The following NDP variants were observed in gnomAD, a reference collection of about 807,000 sequenced individuals.
The protein encoded by NDP is norrin.
Under a neutral mutation model 8.4 loss-of-function variants are expected in NDP, and 2 were observed. That is an observed-to-expected ratio of 0.24 (90% CI 0.10 to 0.75). The LOEUF (loss-of-function observed/expected upper bound fraction) is 0.75, where lower values mean the gene tolerates loss of function less well. NDP is among the 30% of genes least tolerant of loss of function. The pLI, the probability that NDP is intolerant of heterozygous loss-of-function variation, is 0.73. For synonymous variants in NDP, 55 were observed against 45.6 expected (o/e 1.21, Z -0.83); for missense variants, 81 against 110.1 (o/e 0.74, Z 1.18).
intron 2 of NDP, among the ~76,000 whole-genome samples, chrX:43,954,173 A>G (rs2035778616): frequency 8.9e-6 from 1 of 111,843 alleles, no homozygotes. Flanking sequence ...CAGGAACAAG[A>G]TTCACCCATG....
At chrX:43,952,454 G>A (rs1008059501) in intron 2 of NDP, among the ~76,000 whole-genome samples, 1 of 111,958 alleles carries the variant, frequency 8.9e-6, no homozygotes, top group Non-Finnish European at 1.9e-5. Context: ...GTAAATCTGT[G>A]CCAACGAACT....
rs762239468 is a variant in NDP at position 43,949,451 on chromosome X, C to T, written c.*348G>A. 3.9e-6 allele frequency: 1 copy of T among 257,182 alleles called. No individual in the cohort carries two copies. Among genetic ancestry groups the T allele is most frequent in the Non-Finnish European group, 7.0e-6 (1 of 142,285 alleles). 21.2% of individuals were successfully genotyped at this position (257,182 alleles called of 1,213,427 possible). On this transcript the variant is annotated 3_prime_UTR_variant, in exon 3 of 3. Transcript: ENST00000642620. ...AAAGTAAATTCTTCCCCAGCGTGCA[C>T]CAAACACTGACAGCCTGACACGCTT...
rs188879466 is a variant in NDP, at chrX:43,965,053, G to A, written c.-207-6201C>T. On this transcript the variant is annotated intron_variant, in intron 1 of 2. Coordinates refer to ENST00000642620, the MANE Select transcript of NDP (RefSeq NM_000266.4). ...TTGGTGGCCTGAAATAAAAACAGCC[G>A]TTAATAACCATTTGACTGAGTGCTT... Among the ~76,000 whole-genome samples, 16 of 112,342 alleles carry A rather than the reference G, an allele frequency of 1.4e-4. No individual in the cohort carries two copies. The East Asian group carries it at 2.0e-3, about 14-fold the overall frequency.
chrX:43,954,307 A>G (rs1288470100), intron 2 of NDP, among the ~76,000 whole-genome samples: 1 of 110,862 alleles, frequency 9.0e-6, no homozygotes, highest in African/African-American at 3.3e-5. Context: ...CCAGGGAACA[A>G]AGCAGCAGAG....
intron 1 of NDP, among the ~76,000 whole-genome samples, chrX:43,970,875 C>T (rs965176224): frequency 1.8e-5 from 2 of 111,980 alleles, no homozygotes; most frequent in Non-Finnish European, 3.8e-5. Context: ...AAAGGATAAA[C>T]TACTGTCTTT....
intron 2 of NDP, 86 bp downstream of exon 2, chrX:43,958,386 C>G: frequency 1.8e-6 from 2 of 1,084,405 alleles, no homozygotes; most frequent in Admixed American, 4.4e-5. Flanking sequence ...GGGCTATGAT[C>G]TTAGTTCTCC....
intron 1 of NDP, among the ~76,000 whole-genome samples, chrX:43,961,923 A>G (rs918365232): frequency 1.8e-5 from 2 of 112,016 alleles, no homozygotes; most frequent in Admixed American, 9.5e-5. Flanking sequence ...TTTCCTAAAA[A>G]TGAATAAAAC....
At chrX:43,969,728 C>A (rs1192952350) in intron 1 of NDP, 1 of 112,096 alleles carries the variant, frequency 8.9e-6, no homozygotes, top group Non-Finnish European at 1.9e-5. Flanking sequence ...TGGGGAGATC[C>A]CATGGGCTGT....
In NDP at chrX:43,958,461, C is replaced by G; in HGVS notation, c.174+11G>C. 1 of 1,208,980 alleles carries G rather than the reference C, an allele frequency of 8.3e-7. No individual in the cohort carries two copies. ...AGGGAAATGCTCTCCTCACAGAGAC[C>G]TTGGTCTTACCTTTGAGCTACACTT... On this transcript the variant is annotated intron_variant, in intron 2 of 2. Coordinates refer to ENST00000642620, the MANE Select transcript of NDP (RefSeq NM_000266.4).
chrX:43,950,980 G>T (rs745354119), intron 2 of NDP, among the ~76,000 whole-genome samples: 9 of 111,308 alleles, frequency 8.1e-5, no homozygotes, highest in Non-Finnish European at 1.7e-4. Context: ...GTAATAGGTG[G>T]GTAGGGTGGG....
intron 2 of NDP, among the ~76,000 whole-genome samples, chrX:43,956,077 T>G (rs144819519): frequency 1.8e-5 from 2 of 111,557 alleles, no homozygotes; most frequent in African/African-American, 3.3e-5. Flanking sequence ...TCTAATTATT[T>G]TGGGCTTCAG....
At chrX:43,957,588 C>A (rs1350596001) in intron 2 of NDP, among the ~76,000 whole-genome samples, 3 of 110,226 alleles carry the variant, frequency 2.7e-5, no homozygotes, top group Non-Finnish European at 5.7e-5. Flanking sequence ...CTTATATGGT[C>A]TTAATTCTGG....
At chrX:43,951,894 G>C (rs2035765375) in intron 2 of NDP, among the ~76,000 whole-genome samples, 1 of 112,400 alleles carries the variant, frequency 8.9e-6, no homozygotes, top group Non-Finnish European at 1.9e-5. Flanking sequence ...GCTGTAAGCT[G>C]TTTTGATTTT....
chrX:43,957,339 T>TA (rs2035800163), intron 2 of NDP, among the ~76,000 whole-genome samples: 1 of 110,069 alleles, frequency 9.1e-6, no homozygotes, highest in Non-Finnish European at 1.9e-5. Context: ...TTTACTCCAT[T>TA]TTTTTTTGGT....
In NDP at chrX:43,971,597, C is replaced by T. The variant is rs569037652; in HGVS notation, c.-208+1707G>A. On this transcript the variant is annotated intron_variant, in intron 1 of 2. Transcript: ENST00000642620. ...TTAAAATAAATGATGCAAAACATTG[C>T]ATTTTGTGTTCAAATACTCTCATGT... Among the ~76,000 whole-genome samples, 13 of 111,422 alleles carry T rather than the reference C, an allele frequency of 1.2e-4. 1 individual carries two copies. In the South Asian group the frequency reaches 4.9e-3, roughly 42 times the overall value.
At chrX:43,950,225 G>A (rs1343504849) in intron 2 of NDP, 199 bp from the exon 3 acceptor site, 3 of 445,687 alleles carry the variant, frequency 6.7e-6, no homozygotes, top group African/African-American at 5.0e-5. Flanking sequence ...TGGAGATAGG[G>A]ACCAGGCTTT....
At chrX:43,965,611 C>A (rs185603071) in intron 1 of NDP, among the ~76,000 whole-genome samples, 1 of 111,124 alleles carries the variant, frequency 9.0e-6, no homozygotes, top group African/African-American at 3.3e-5. Context: ...AGACTTCTTG[C>A]ATTTGATAAT....
chrX:43,961,558 C>T (rs2035826463), intron 1 of NDP, among the ~76,000 whole-genome samples: 1 of 111,790 alleles, frequency 8.9e-6, no homozygotes, highest in African/African-American at 3.2e-5. Flanking sequence ...AAGAAACTAA[C>T]AAAATTAGTT....
chrX:43,963,718 C>G (rs770933793), intron 1 of NDP, among the ~76,000 whole-genome samples: 5 of 112,397 alleles, frequency 4.4e-5, no homozygotes, highest in African/African-American at 1.3e-4. Context: ...CCCAGGAACT[C>G]AAAGGATTCC....
Sources: allele counts gnomAD v4.1 joint callset (sites outside exome capture counted in the v4.1 genomes callset), GRCh38; gene constraint gnomAD v4.1.1; transcripts MANE v1.5; gene names NCBI Gene and HGNC (gene_info 2026-07-23, HGNC 2026-07-21).